Variants in EYS observed in about 807,000 individuals in gnomAD.
The protein encoded by EYS is protein eyes shut homolog.
A neutral mutation model predicts 282.1 loss-of-function variants in EYS; 250 were observed. That is an observed-to-expected ratio of 0.89 (90% confidence interval 0.80 to 0.98). The LOEUF is 0.98. Ranked by LOEUF, EYS falls within the 50% of genes least tolerant of loss-of-function variation. EYS has a pLI of 0.00. For missense variants in EYS, 4,016 were observed against 3,709.0 expected, an observed-to-expected ratio of 1.08 and a Z score of -2.15; for synonymous variants, 1,355 against 1,282.9, an observed-to-expected ratio of 1.06 and a Z score of -1.20.
chr6:65,487,979 T>G (rs1327321871), intron 5 of EYS, among the ~76,000 whole-genome samples: 1 of 152,224 alleles, frequency 6.6e-6, no homozygotes, highest in Non-Finnish European at 1.5e-5. Context: ...TTTATACTAT[T>G]CTCTGATGGT....
At chr6:64,306,942 A>T (rs1233905065) in intron 30 of EYS, 28 bp downstream of exon 30, 1 of 1,031,790 alleles carries the variant, frequency 9.7e-7, no homozygotes, top group South Asian at 1.4e-5. Flanking sequence ...TGAACAAGTT[A>T]TTAGAAAAAT....
At chr6:65,364,122 T>C (rs1562124263) in intron 8 of EYS, among the ~76,000 whole-genome samples, 1 of 149,884 alleles carries the variant, frequency 6.7e-6, no homozygotes, top group Middle Eastern at 4.8e-3. Context: ...AAATATCCCT[T>C]ATATGTAAAT....
chr6:65,000,377 T>C (rs73437250), intron 13 of EYS, among the ~76,000 whole-genome samples: 3,483 of 152,330 alleles, frequency 0.023, 123 homozygotes, highest in African/African-American at 0.078. Flanking sequence ...ATTATTCATT[T>C]TATGCTTAAA....
chr6:65,706,833 G>A (rs746087679), intron 1 of EYS, among the ~76,000 whole-genome samples: 4 of 152,082 alleles, frequency 2.6e-5, no homozygotes, highest in Non-Finnish European at 5.9e-5. Context: ...AGTACTTCAT[G>A]ACTAAATAAA....
At chr6:65,110,263 G>A (rs559821664) in intron 12 of EYS, among the ~76,000 whole-genome samples, 6 of 152,122 alleles carry the variant, frequency 3.9e-5, no homozygotes, top group South Asian at 2.1e-4. Context: ...TTAATGACCC[G>A]TAACTATGTT....
intron 30 of EYS, among the ~76,000 whole-genome samples, chr6:64,280,629 T>A (rs1768274270): frequency 6.6e-6 from 1 of 152,136 alleles, no homozygotes; most frequent in Admixed American, 6.6e-5. Flanking sequence ...TAAAACCCTG[T>A]GAATATGAAT....
intron 12 of EYS, among the ~76,000 whole-genome samples, chr6:65,244,743 C>T (rs1767138824): frequency 6.6e-6 from 1 of 150,552 alleles, no homozygotes; most frequent in Non-Finnish European, 1.5e-5. Flanking sequence ...AGGATGGTCT[C>T]TATCTCCTGA....
At chr6:64,752,395 A>G (rs1437754063) in intron 22 of EYS, among the ~76,000 whole-genome samples, 1 of 152,140 alleles carries the variant, frequency 6.6e-6, no homozygotes, top group Non-Finnish European at 1.5e-5. Context: ...GACTAGACCA[A>G]GCAGAAGAAA....
At chr6:63,728,703 C>G (rs938846702) in intron 41 of EYS, among the ~76,000 whole-genome samples, 2 of 152,098 alleles carry the variant, frequency 1.3e-5, no homozygotes, top group Admixed American at 1.3e-4. Flanking sequence ...ACATCATATC[C>G]TCTTTGCTTG....
intron 22 of EYS, among the ~76,000 whole-genome samples, chr6:64,730,021 T>C (rs1247458033): frequency 2.0e-5 from 3 of 152,168 alleles, no homozygotes; most frequent in Non-Finnish European, 4.4e-5. Flanking sequence ...AGGAATGTTA[T>C]TGGTGAAAGG....
intron 35 of EYS, among the ~76,000 whole-genome samples, chr6:63,979,678 T>C (rs2881972): frequency 0.38 from 57,048 of 151,586 alleles, 10,978 homozygotes; most frequent in African/African-American, 0.46. Flanking sequence ...TACTAACCTT[T>C]CTATGCCCTT....
intron 22 of EYS, among the ~76,000 whole-genome samples, chr6:64,708,015 C>T (rs1204240755): frequency 6.7e-6 from 1 of 150,140 alleles, no homozygotes; most frequent in Non-Finnish European, 1.5e-5. Flanking sequence ...ATATACAGCA[C>T]AAAAAAAAAC....
intron 22 of EYS, among the ~76,000 whole-genome samples, chr6:64,653,480 C>T (rs1768636013): frequency 6.6e-6 from 1 of 152,092 alleles, no homozygotes; most frequent in African/African-American, 2.4e-5. Flanking sequence ...TAATATTTGG[C>T]CACATTTAAC....
At chr6:64,917,921 T>C (rs758431151) in intron 15 of EYS, among the ~76,000 whole-genome samples, 8 of 152,160 alleles carry the variant, frequency 5.3e-5, no homozygotes, top group Non-Finnish European at 8.8e-5. Context: ...ATAATGACCG[T>C]TAATAATAAA....
At chr6:64,540,327 C>CA (rs1764661915) in intron 26 of EYS, among the ~76,000 whole-genome samples, 1 of 152,134 alleles carries the variant, frequency 6.6e-6, no homozygotes, top group Non-Finnish European at 1.5e-5. Context: ...CTGCCAATCT[C>CA]AAAGTTTTCT....
At chr6:65,252,572 A>G (rs1767353812) in intron 12 of EYS, among the ~76,000 whole-genome samples, 1 of 152,000 alleles carries the variant, frequency 6.6e-6, no homozygotes, top group Non-Finnish European at 1.5e-5. Flanking sequence ...ATAATCTAAA[A>G]TTATTCAACA....
chr6:63,962,094 A>T (rs1173010745), intron 35 of EYS, among the ~76,000 whole-genome samples: 2 of 152,228 alleles, frequency 1.3e-5, no homozygotes, highest in African/African-American at 4.8e-5. Flanking sequence ...CTTACACCTT[A>T]TACAAAAATT....
At chr6:65,371,936 C>T (rs576279083) in intron 8 of EYS, among the ~76,000 whole-genome samples, 3 of 150,374 alleles carry the variant, frequency 2.0e-5, no homozygotes, top group South Asian at 2.1e-4. Context: ...AATTCTAATT[C>T]GAGCTTTACT....
intron 22 of EYS, among the ~76,000 whole-genome samples, chr6:64,632,857 T>C (rs1767836257): frequency 6.6e-6 from 1 of 152,128 alleles, no homozygotes; most frequent in Non-Finnish European, 1.5e-5. Context: ...ATTCAATTGA[T>C]CACATTATAT....
Sources: allele counts gnomAD v4.1 joint callset (sites outside exome capture counted in the v4.1 genomes callset), GRCh38; gene constraint gnomAD v4.1.1; transcripts MANE v1.5; gene names NCBI Gene and HGNC (gene_info 2026-07-23, HGNC 2026-07-21).